Variants in CBLB observed in about 807,000 individuals in gnomAD.
CBLB encodes E3 ubiquitin-protein ligase CBL-B.
Under a neutral mutation model 104.9 loss-of-function variants are expected in CBLB, and 31 were observed. The ratio of observed to expected loss-of-function variants is 0.30; its 90% CI spans 0.22 to 0.40. The LOEUF (loss-of-function observed/expected upper bound fraction) is 0.40, where lower values mean the gene tolerates loss of function less well. Among genes scored for constraint, CBLB ranks in the 10% least tolerant of loss-of-function variants. CBLB has a pLI of 1.00. For missense variants in CBLB, 1,062 were observed against 1,214.6 expected (o/e 0.87, Z 1.87); for synonymous variants, 440 against 422.6 (o/e 1.04, Z -0.51).
chr3:105,774,088 G>T (rs1240638136), intron 4 of CBLB, among the ~76,000 whole-genome samples: 1 of 152,222 alleles, frequency 6.6e-6, no homozygotes, highest in Non-Finnish European at 1.5e-5. Flanking sequence ...TAGATCTTGA[G>T]GGCGCTGCCC....
intron 4 of CBLB, among the ~76,000 whole-genome samples, chr3:105,758,270 G>A (rs1381673958): frequency 2.0e-5 from 3 of 152,128 alleles, no homozygotes; most frequent in African/African-American, 7.2e-5. Context: ...ATCTTTGATA[G>A]GATGGCAACC....
chr3:105,814,040 A>T lies in CBLB; in HGVS notation c.420-37498T>A, dbSNP rs188454675. Among the ~76,000 whole-genome samples, 132 of 152,284 alleles carry T rather than the reference A, an allele frequency of 8.7e-4. 1 individual carries two copies. Among genetic ancestry groups the T allele is most frequent in the African/African-American group, 3.1e-3 (128 of 41,580 alleles). On this transcript the variant is annotated intron_variant, in intron 3 of 18. Coordinates refer to ENST00000394030, the MANE Select transcript of CBLB (RefSeq NM_170662.5). ...GGTTTCAAATGTAGTTCAATTAAGCAATTCTGATTGTTTGCTTGTTTAATT... is the reference window on the plus strand; with the variant it reads ...GGTTTCAAATGTAGTTCAATTAAGCTATTCTGATTGTTTGCTTGTTTAATT...
intron 3 of CBLB, among the ~76,000 whole-genome samples, chr3:105,800,647 T>A (rs1331507654): frequency 6.6e-6 from 1 of 152,066 alleles, no homozygotes; most frequent in Non-Finnish European, 1.5e-5. Flanking sequence ...TAGAATTACA[T>A]AAAAATTTCT....
rs149444341 is a variant in CBLB at position 105,746,219 on chromosome 3, T to C, written c.724-181A>G. Among the ~76,000 whole-genome samples the C allele has an allele frequency of 3.9e-3, 593 of 152,302 alleles. 18 individuals are homozygous for C. Among genetic ancestry groups the C allele is most frequent in the Non-Finnish European group, 1.2e-3 (80 of 68,016 alleles). On this transcript the variant is annotated intron_variant, in intron 5 of 18. Transcript: ENST00000394030. ...GCAGACGTTCAAGTCTATTGTTCTT[T>C]ACAGAAATATGATTAGGCAGAAAAC...
chr3:105,852,413 A>T (rs1223777882), intron 3 of CBLB, among the ~76,000 whole-genome samples: 1 of 152,202 alleles, frequency 6.6e-6, no homozygotes, highest in South Asian at 2.1e-4. Flanking sequence ...TTTAAAACTT[A>T]ATTTTTTAAC....
At chr3:105,713,985 CAA>C (rs1209207791) in intron 10 of CBLB, among the ~76,000 whole-genome samples, 1 of 152,170 alleles carries the variant, frequency 6.6e-6, no homozygotes, top group Non-Finnish European at 1.5e-5. Flanking sequence ...TGAATACCCT[CAA>C]GAGGTAAAAT....
At chr3:105,732,639 C>A (rs1437727155) in intron 9 of CBLB, among the ~76,000 whole-genome samples, 1 of 152,038 alleles carries the variant, frequency 6.6e-6, no homozygotes, top group African/African-American at 2.4e-5. Flanking sequence ...AAAATATTCA[C>A]AAAAGAAGAA....
intron 3 of CBLB, among the ~76,000 whole-genome samples, chr3:105,779,721 T>A (rs1215849125): frequency 6.6e-6 from 1 of 152,170 alleles, no homozygotes; most frequent in East Asian, 1.9e-4. Context: ...TATTCTGGTA[T>A]CTAATTTCAT....
chr3:105,803,233 T>A (rs1373309046), intron 3 of CBLB, among the ~76,000 whole-genome samples: 1 of 152,242 alleles, frequency 6.6e-6, no homozygotes, highest in African/African-American at 2.4e-5. Flanking sequence ...ACACAATTTG[T>A]AGAATAATTA....
Position 105,720,212 on chromosome 3 carries a change from T to C in CBLB, c.1242A>G (p.Glu414=), listed in dbSNP as rs1402879776. 6.2e-7 allele frequency: 1 copy of C among 1,613,734 alleles called. No individual in the cohort carries two copies. The highest frequency in any genetic ancestry group is 2.2e-5 in the East Asian group (1 of 44,874). The change falls in exon 10 of 19, where the codon GAA becomes GAG. Residue 414 remains glutamate, a synonymous_variant. Transcript: ENST00000394030. ...DGQGCPFCRC[E]IKGTEPIIVD... ...CGATTATGGGCTCAGTTCCTTTTAT[T>C]TCACAACGACAGAAAGGGCAGCCCT...
intron 3 of CBLB, among the ~76,000 whole-genome samples, chr3:105,798,885 A>C (rs1406114488): frequency 1.3e-5 from 2 of 152,214 alleles, no homozygotes; most frequent in African/African-American, 4.8e-5. Context: ...GTCAGGCATT[A>C]TGCTGTTGTT....
At chr3:105,660,766 C>T (rs537558663) in intron 18 of CBLB, among the ~76,000 whole-genome samples, 12 of 152,166 alleles carry the variant, frequency 7.9e-5, no homozygotes, top group East Asian at 5.8e-4. Flanking sequence ...TAATAATAAA[C>T]GTAAATAATA....
intron 3 of CBLB, among the ~76,000 whole-genome samples, chr3:105,810,099 T>C (rs1312550925): frequency 6.6e-6 from 1 of 152,186 alleles, no homozygotes; most frequent in African/African-American, 2.4e-5. Flanking sequence ...GTGTACACCC[T>C]GAGACCTGCT....
At chr3:105,864,429 G>A (rs2092305901) in intron 2 of CBLB, among the ~76,000 whole-genome samples, 1 of 152,154 alleles carries the variant, frequency 6.6e-6, no homozygotes, top group South Asian at 2.1e-4. Context: ...TGGCGCACTT[G>A]AACCTAGATA....
At chr3:105,670,508 T>A in intron 17 of CBLB, 156 bp from the exon 18 acceptor site, 1 of 624,330 alleles carries the variant, frequency 1.6e-6, no homozygotes, top group South Asian at 2.0e-5. Flanking sequence ...ACTGCCTGCA[T>A]ATTTTCTAAT....
intron 13 of CBLB, among the ~76,000 whole-genome samples, chr3:105,692,124 G>A (rs1205418117): frequency 6.6e-6 from 1 of 152,178 alleles, no homozygotes; most frequent in African/African-American, 2.4e-5. Flanking sequence ...GTGAACTGCA[G>A]ATGAAGGAAT....
At chr3:105,758,658 A>G (rs1191978549) in intron 4 of CBLB, among the ~76,000 whole-genome samples, 1 of 152,258 alleles carries the variant, frequency 6.6e-6, no homozygotes, top group Non-Finnish European at 1.5e-5. Flanking sequence ...GAGTCCAGCC[A>G]CTGCGCACAG....
chr3:105,665,442 T>TATATATACACAC (rs1182735970), intron 18 of CBLB, among the ~76,000 whole-genome samples: 12 of 67,204 alleles, frequency 1.8e-4, no homozygotes, highest in African/African-American at 5.9e-4. Context: ...TATATATATA[T>TATATATACACAC]ACACACACAC....
chr3:105,801,871 T>C (rs1168595404), intron 3 of CBLB, among the ~76,000 whole-genome samples: 3 of 152,186 alleles, frequency 2.0e-5, no homozygotes, highest in East Asian at 1.9e-4. Flanking sequence ...AACACGACAC[T>C]TTGAGCTGTA....
Sources: gnomAD v4.1 joint callset for allele counts (sites outside exome capture counted in the v4.1 genomes callset) on GRCh38, gnomAD v4.1.1 for gene constraint, MANE v1.5 for transcripts, NCBI Gene and HGNC (gene_info 2026-07-23, HGNC 2026-07-21) for gene names.